Variants in TINAG observed in about 807,000 individuals in gnomAD.
TINAG encodes tubulointerstitial nephritis antigen.
A neutral mutation model predicts 72.7 loss-of-function variants in TINAG; 83 were observed. The ratio of observed to expected loss-of-function variants is 1.14; its 90% CI spans 0.96 to 1.37. TINAG has a LOEUF of 1.37. TINAG is among the 40% of genes most tolerant of loss of function. The probability of loss-of-function intolerance (pLI) is 0.00; values close to 1 mark genes in which losing one functional copy is unlikely to be tolerated. For missense variants in TINAG, 685 were observed against 576.6 expected (o/e 1.19, Z -1.93); for synonymous variants, 234 against 189.9 (o/e 1.23, Z -1.91).
rs561189738 is a variant in TINAG at position 54,343,217 on chromosome 6, C to T, written c.625-9C>T. The T allele has an allele frequency of 1.3e-6, 2 of 1,536,110 alleles. No individual in the cohort carries two copies. The highest frequency in any genetic ancestry group is 1.8e-6 in the Non-Finnish European group (2 of 1,139,024). ...AAATCTCATATATGTACCTCTTCTTCCTCTTTAGGCTTCTTTACCTGCAAC... is the reference window on the plus strand; with the variant it reads ...AAATCTCATATATGTACCTCTTCTTTCTCTTTAGGCTTCTTTACCTGCAAC... On this transcript the variant is annotated splice_polypyrimidine_tract_variant and intron_variant, in intron 4 of 10. Transcript: ENST00000259782.
chr6:54,389,902 C>T lies in TINAG; in HGVS notation c.1408C>T (p.Leu470=). The change falls in exon 11 of 11, where the codon CTG becomes TTG. Residue 470 remains leucine, a synonymous_variant. Transcript: ENST00000259782. The part of the protein sequence containing the change: ...EKLIIAAWGQ[L]TSSDEP ...GTTGATTATCGCAGCTTGGGGCCAA[C>T]TGACGAGTTCTGATGAACCATAACA... The T allele has an allele frequency of 6.2e-7, 1 of 1,611,434 alleles. No individual in the cohort carries two copies. Among genetic ancestry groups the T allele is most frequent in the Non-Finnish European group, 8.5e-7 (1 of 1,178,944 alleles).
chr6:54,327,086 G>C (rs1309007294), intron 4 of TINAG, 170 bp downstream of exon 4: 2 of 1,547,116 alleles, frequency 1.3e-6, no homozygotes, highest in Non-Finnish European at 1.7e-6. Context: ...CCCCTCAAAA[G>C]TTTCATATGA....
At chr6:54,340,051 A>G (rs904375557) in intron 4 of TINAG, among the ~76,000 whole-genome samples, 1 of 152,166 alleles carries the variant, frequency 6.6e-6, no homozygotes, top group Non-Finnish European at 1.5e-5. Flanking sequence ...TCTTTTAGAG[A>G]TTTTAATTTA....
chr6:54,385,695 A>C (rs2150985636), intron 10 of TINAG, among the ~76,000 whole-genome samples: 1 of 152,142 alleles, frequency 6.6e-6, no homozygotes, highest in Non-Finnish European at 1.5e-5. Context: ...CAAAAAAGAA[A>C]AAATATAGGC....
chr6:54,389,676 T>C, intron 10 of TINAG, 115 bp from the exon 11 acceptor site: 1 of 1,275,408 alleles, frequency 7.8e-7, no homozygotes, highest in Non-Finnish European at 1.1e-6. Flanking sequence ...TTCTTGATAA[T>C]TATAGTCTAT....
At chr6:54,337,378 T>C (rs1429961079) in intron 4 of TINAG, among the ~76,000 whole-genome samples, 3 of 151,578 alleles carry the variant, frequency 2.0e-5, no homozygotes, top group Non-Finnish European at 4.4e-5. Context: ...CTCAGCCTCC[T>C]GAGTAGCTGG....
In TINAG at chr6:54,367,255, T is replaced by A. The variant is rs1354311530; in HGVS notation, c.1250+12619T>A. 4 of 151,752 alleles carry A rather than the reference T, an allele frequency of 2.6e-5. No individual in the cohort carries two copies. The East Asian group carries it at 7.7e-4, about 29-fold the overall frequency. 9.4% of individuals were successfully genotyped at this position (151,752 alleles called of 1,614,324 possible). A position where few individuals can be genotyped will look rare whatever the true frequency, so the allele number is the denominator to read the frequency against. On this transcript the variant is annotated intron_variant, in intron 9 of 10. Transcript: ENST00000259782. ...ATCCTAGTTCTGAGTCATTCTACTT[T>A]GAGATAAATCTGAGTTTAGGAACTG...
intron 3 of TINAG, among the ~76,000 whole-genome samples, chr6:54,326,165 G>A (rs529315390): frequency 7.9e-5 from 12 of 151,488 alleles, no homozygotes; most frequent in South Asian, 6.3e-4. Flanking sequence ...CTAATTAAGG[G>A]CACAAAATAT....
At chr6:54,333,565 T>A (rs9395935) in intron 4 of TINAG, among the ~76,000 whole-genome samples, 39,289 of 151,446 alleles carry the variant, frequency 0.26, 6,959 homozygotes, top group East Asian at 0.54. Flanking sequence ...ATGTATACCT[T>A]TGTAACAAAC....
In TINAG at chr6:54,389,983, A is replaced by G; in HGVS notation, c.*58A>G. On this transcript the variant is annotated 3_prime_UTR_variant, in exon 11 of 11. Coordinates refer to ENST00000259782, the MANE Select transcript of TINAG (RefSeq NM_014464.4). Reference sequence around the variant, plus strand: ...TAAGTAACCCCCTAAATTGAAGTTTAGCAATATGACATTCTTGGTGACAGT... The same window carrying G: ...TAAGTAACCCCCTAAATTGAAGTTTGGCAATATGACATTCTTGGTGACAGT... 4 of 1,580,626 alleles carry G rather than the reference A, an allele frequency of 2.5e-6. No individual in the cohort carries two copies. Among genetic ancestry groups the G allele is most frequent in the Non-Finnish European group, 2.6e-6 (3 of 1,167,590 alleles).
At position 54,325,162 on chromosome 6, in the gene TINAG, T is replaced by A. The variant is rs146080157; in HGVS notation, c.510-1640T>A. On this transcript the variant is annotated intron_variant, in intron 3 of 10. Transcript: ENST00000259782. ...CAGATAGAGAACTAAATTTGCTTTA[T>A]GTAAAAAATTTGCCAACTCCTTCAG... Among the ~76,000 whole-genome samples the A allele has an allele frequency of 9.4e-4, 143 of 152,336 alleles. 1 individual carries two copies. Among genetic ancestry groups the A allele is most frequent in the Middle Eastern group, 3.4e-3 (1 of 294 alleles).
At position 54,326,214 on chromosome 6, in the gene TINAG, TTTA is replaced by T. The variant is rs1029698197; in HGVS notation, c.510-578_510-576del. 1.9e-4 allele frequency among the ~76,000 whole-genome samples: 29 copies of T among 152,080 alleles called. No individual in the cohort carries two copies. In the East Asian group the frequency reaches 4.8e-3, roughly 25 times the overall value. On this transcript the variant is annotated intron_variant, in intron 3 of 10. Transcript: ENST00000259782. Reference sequence around the variant, plus strand: ...TATGCACTTTCACATCAACTGATTTTTTATTATTATTAATAACTAAGATGATTG... The same window carrying T: ...TATGCACTTTCACATCAACTGATTTTTTATTATTAATAACTAAGATGATTG...
intron 4 of TINAG, among the ~76,000 whole-genome samples, chr6:54,337,904 A>G (rs1458933362): frequency 6.6e-6 from 1 of 152,032 alleles, no homozygotes; most frequent in Admixed American, 6.6e-5. Flanking sequence ...TCATCTCAGA[A>G]TTTTTTCATC....
At chr6:54,327,776 C>T (rs753923425) in intron 4 of TINAG, among the ~76,000 whole-genome samples, 3 of 152,018 alleles carry the variant, frequency 2.0e-5, no homozygotes, top group Admixed American at 6.6e-5. Flanking sequence ...GAGGGAGGGG[C>T]GTCGGCCATT....
chr6:54,323,963 A>G (rs1264808544), intron 3 of TINAG, among the ~76,000 whole-genome samples: 1 of 152,172 alleles, frequency 6.6e-6, no homozygotes, highest in Non-Finnish European at 1.5e-5. Context: ...CAAACAAAAC[A>G]AAAAAACAAA....
intron 9 of TINAG, among the ~76,000 whole-genome samples, chr6:54,373,684 C>T (rs1244597564): frequency 1.3e-5 from 2 of 151,974 alleles, no homozygotes; most frequent in African/African-American, 2.4e-5. Flanking sequence ...TAAATGAGCA[C>T]GAATATTCCA....
chr6:54,312,425 GTATT>G (rs1188346068), intron 1 of TINAG, among the ~76,000 whole-genome samples: 1 of 152,054 alleles, frequency 6.6e-6, no homozygotes, highest in Non-Finnish European at 1.5e-5. Flanking sequence ...AAACAAAAAT[GTATT>G]TATTTATCAC....
chr6:54,365,413 T>A (rs1438817339), intron 9 of TINAG: 3 of 151,564 alleles, frequency 2.0e-5, no homozygotes, highest in African/African-American at 7.2e-5. Flanking sequence ...GGATGGGTGC[T>A]TTTAGTTGTT....
chr6:54,334,003 A>C (rs1399709442), intron 4 of TINAG, among the ~76,000 whole-genome samples: 1 of 152,162 alleles, frequency 6.6e-6, no homozygotes, highest in African/African-American at 2.4e-5. Context: ...TATGCTTTGA[A>C]CTATCATATT....
Sources: allele counts gnomAD v4.1 joint callset (sites outside exome capture counted in the v4.1 genomes callset), GRCh38; gene constraint gnomAD v4.1.1; transcripts MANE v1.5; gene names NCBI Gene and HGNC (gene_info 2026-07-23, HGNC 2026-07-21).